NLRP4: variants seen among roughly 807,000 people sequenced by gnomAD.
NLRP4 encodes the protein NACHT, LRR and PYD domains-containing protein 4.
In NLRP4, 44 loss-of-function variants were observed where a neutral mutation model predicts 84.7. That is an observed-to-expected ratio of 0.52 (90% CI 0.41 to 0.67). The LOEUF is 0.67. Among genes scored for constraint, NLRP4 ranks in the 30% least tolerant of loss-of-function variants. NLRP4 has a pLI of 0.00. For synonymous variants in NLRP4, 544 were observed against 476.4 expected, an observed-to-expected ratio of 1.14 and a Z score of -1.85; for missense variants, 1,260 against 1,219.4, an observed-to-expected ratio of 1.03 and a Z score of -0.50.
intron 1 of NLRP4, among the ~76,000 whole-genome samples, chr19:55,846,034 C>G: frequency 6.6e-6 from 1 of 152,158 alleles, no homozygotes; most frequent in East Asian, 1.9e-4. Flanking sequence ...TTAATTAGAT[C>G]CCATTTGTCA....
intron 2 of NLRP4, chr19:55,857,460 C>G (rs1984485721): frequency 1.7e-6 from 1 of 577,942 alleles, no homozygotes; most frequent in Non-Finnish European, 3.0e-6. Flanking sequence ...TTCAGCTCTG[C>G]TATTCAATCA....
Position 55,877,025 on chromosome 19 carries a change from G to T in NLRP4, c.2555G>T (p.Gly852Val), listed in dbSNP as rs183351311. Reference protein sequence around the residue: ...CLVKCFITAAGCEDLASALIS... With the variant: ...CLVKCFITAAVCEDLASALIS... The stretch of plus-strand genomic sequence containing the variant: ...GTAAAATGTTTTATCACTGCTGCTG[G>T]CTGTGAAGACCTCGCCTCTGCTCTC... Residue 852 changes from glycine to valine, a missense_variant, in exon 8 of 10, where the codon GGC becomes GTC. Gly to Val is a moderately radical substitution (Grantham distance 109). Coordinates refer to ENST00000301295, the MANE Select transcript of NLRP4 (RefSeq NM_134444.5). 1.9e-6 allele frequency: 3 copies of T among 1,613,898 alleles called. No homozygotes were observed. In the African/African-American group the frequency reaches 4.0e-5, roughly 22 times the overall value.
chr19:55,838,696 T>C (rs568674100), intron 1 of NLRP4, among the ~76,000 whole-genome samples: 22 of 152,092 alleles, frequency 1.4e-4, no homozygotes, highest in African/African-American at 5.1e-4. Context: ...TCTACTCTTA[T>C]ATAAGTATTT....
At chr19:55,866,344 A>G (rs909983532) in intron 5 of NLRP4, among the ~76,000 whole-genome samples, 1 of 152,100 alleles carries the variant, frequency 6.6e-6, no homozygotes, top group Non-Finnish European at 1.5e-5. Flanking sequence ...ACCAACCTAT[A>G]TCTTAAATCT....
chr19:55,867,600 G>A (rs1481768329), intron 5 of NLRP4, 109 bp from the exon 6 acceptor site: 1 of 934,158 alleles, frequency 1.1e-6, no homozygotes, highest in African/African-American at 1.6e-5. Context: ...GAGGCAGTGA[G>A]CCTCTCAAGG....
At position 55,857,573 on chromosome 19, in the gene NLRP4, G is replaced by T. The variant is rs755017004; in HGVS notation, c.281-101G>T. The T allele has an allele frequency of 8.0e-6, 9 of 1,122,946 alleles. No individual in the cohort carries two copies. The South Asian group carries it at 1.2e-4, about 15-fold the overall frequency. The allele number at this position is 1,122,946 out of a possible 1,614,324, so 69.6% of individuals were successfully genotyped here. On this transcript the variant is annotated intron_variant, in intron 2 of 9. Coordinates refer to ENST00000301295, the MANE Select transcript of NLRP4 (RefSeq NM_134444.5). ...CCAGGTTTGGCCTGGGGGCCACAGT[G>T]TGTAGACCCCTGGAAAGATACATCC...
chr19:55,867,470 G>A (rs1985004737), intron 5 of NLRP4, among the ~76,000 whole-genome samples: 1 of 151,030 alleles, frequency 6.6e-6, no homozygotes, highest in Non-Finnish European at 1.5e-5. Context: ...ATCTCAGGTT[G>A]GCTGTCTCTG....
In NLRP4 at chr19:55,862,117, G is replaced by T; in HGVS notation, c.2144G>T (p.Cys715Phe). 6.2e-7 allele frequency: 1 copy of T among 1,613,992 alleles called. No homozygotes were observed. The highest frequency in any genetic ancestry group is 1.1e-5 in the South Asian group (1 of 91,084). ...KLSRDDIRSL[C>F]DALNYPAGNV... is the part of the protein sequence containing the mutation. The stretch of plus-strand genomic sequence containing the variant: ...TCTCGTGATGACATCAGGTCCCTCT[G>T]TGATGCCTTGAACTACCCAGCAGGC... The change falls in exon 5 of 10, where the codon TGT (cysteine) becomes TTT (phenylalanine). Residue 715 changes from cysteine (C) to phenylalanine (F), a missense_variant. Around this residue, in one of 3 missense-constraint regions of NLRP4, gnomAD observed 544 missense variants for 531.7 expected, o/e 1.02. Transcript: ENST00000301295.
rs199714770 is a variant in NLRP4, at chr19:55,850,132, T to A, written c.-65-1884T>A. On this transcript the variant is annotated intron_variant, in intron 1 of 9. Transcript: ENST00000301295. ...TACCGTAGCTGCGGTGTAATTTCCG[T>A]GGCTGCGGTGTAATTTCCGAGGCTG... is the stretch of plus-strand genomic sequence containing the variant. 7.5e-3 allele frequency among the ~76,000 whole-genome samples: 571 copies of A among 76,364 alleles called. 10 individuals carry two copies. The highest frequency in any genetic ancestry group is 0.028 in the Middle Eastern group (3 of 108). 50.1% of individuals were successfully genotyped at this position (76,364 alleles called of 152,430 possible). A position where few individuals can be genotyped will look rare whatever the true frequency, so the allele number is the denominator to read the frequency against.
Position 55,853,917 on chromosome 19 carries a change from T to TTTC in NLRP4, c.280+1558_280+1559insTCT, listed in dbSNP as rs1568661768. Among the ~76,000 whole-genome samples, 142 of 117,226 alleles carry TTTC rather than the reference T, an allele frequency of 1.2e-3. 5 individuals are homozygous for TTTC. The highest frequency in any genetic ancestry group is 4.5e-3 in the African/African-American group (130 of 28,822). The allele number at this position is 117,226 out of a possible 152,430, so 76.9% of individuals were successfully genotyped here. A position where few individuals can be genotyped will look rare whatever the true frequency, so the allele number is the denominator to read the frequency against. On this transcript the variant is annotated intron_variant, in intron 2 of 9. Coordinates refer to ENST00000301295, the MANE Select transcript of NLRP4 (RefSeq NM_134444.5). ...TCTCTCTCTCTCTCTTTCTCTTTCT[T>TTTC]TCTCTTTCTCTTTCTCTCTCTCTTT... is the stretch of plus-strand genomic sequence containing the variant.
intron 1 of NLRP4, among the ~76,000 whole-genome samples, chr19:55,839,806 A>G (rs1983538288): frequency 6.6e-6 from 1 of 151,996 alleles, no homozygotes. Context: ...TTTTTATCTA[A>G]ATGTATAATT....
chr19:55,861,631 G>A (rs539867360), intron 4 of NLRP4, 84 bp downstream of exon 4: 2 of 1,286,208 alleles, frequency 1.6e-6, no homozygotes, highest in African/African-American at 1.5e-5. Flanking sequence ...GAGGCTAACT[G>A]CACAAGCAAA....
chr19:55,881,536 T>C lies in NLRP4; in HGVS notation c.2934T>C (p.Pro978=). 1 of 1,610,766 alleles carries C rather than the reference T, an allele frequency of 6.2e-7. No homozygotes were observed. The highest frequency in any genetic ancestry group is 8.5e-7 in the Non-Finnish European group (1 of 1,176,954). Residue 978 remains proline (P), a synonymous_variant, in exon 10 of 10, where the codon CCT becomes CCC. Transcript: ENST00000301295. ...TGACGGCTGAGGAAGAGAGAAATCC[T>C]AACCTGACCATCACAGACGACTGTG... ...ALLTAEEERN[P]NLTITDDCDT... is the part of the protein sequence containing the mutation.
At chr19:55,839,320 T>TGTGTGTGTGC (rs1373920562) in intron 1 of NLRP4, among the ~76,000 whole-genome samples, 1 of 152,168 alleles carries the variant, frequency 6.6e-6, no homozygotes, top group African/African-American at 2.4e-5. Flanking sequence ...TGTGTGTGTG[T>TGTGTGTGTGC]GCTCTTTCAC....
intron 1 of NLRP4, among the ~76,000 whole-genome samples, chr19:55,847,334 C>T (rs926754852): frequency 2.6e-5 from 4 of 152,056 alleles, no homozygotes; most frequent in African/African-American, 7.2e-5. Context: ...TTATGATTTC[C>T]TTTAAAGCTC....
At chr19:55,869,091 C>T (rs181245109) in intron 6 of NLRP4, among the ~76,000 whole-genome samples, 1 of 152,112 alleles carries the variant, frequency 6.6e-6, no homozygotes, top group Non-Finnish European at 1.5e-5. Flanking sequence ...AGAATTGTCC[C>T]AGGTAACTAT....
chr19:55,879,190 G>T (rs1432462989), intron 9 of NLRP4, among the ~76,000 whole-genome samples: 1 of 152,168 alleles, frequency 6.6e-6, no homozygotes, highest in Non-Finnish European at 1.5e-5. Flanking sequence ...TGGCCTCATT[G>T]TCTGGGGTAA....
intron 1 of NLRP4, among the ~76,000 whole-genome samples, chr19:55,850,812 A>T (rs1282594401): frequency 2.8e-4 from 26 of 93,050 alleles, no homozygotes; most frequent in South Asian, 6.7e-4. Context: ...GTAATTTCCG[A>T]GGCTGCGGTG....
intron 7 of NLRP4, among the ~76,000 whole-genome samples, chr19:55,873,868 C>T (rs1054043421): frequency 6.6e-6 from 1 of 151,868 alleles, no homozygotes; most frequent in African/African-American, 2.4e-5. Flanking sequence ...GAAATTAGAA[C>T]ATATGTTGAA....
Sources: gnomAD v4.1 joint callset for allele counts (sites outside exome capture counted in the v4.1 genomes callset) on GRCh38, gnomAD v4.1.1 for gene constraint, gnomAD v4.1.1 regional missense constraint, MANE v1.5 for transcripts, NCBI Gene and HGNC (gene_info 2026-07-23, HGNC 2026-07-21) for gene names.